Variants in RANBP2 observed in about 807,000 individuals in gnomAD.
RANBP2 encodes E3 SUMO-protein ligase RanBP2.
RANBP2 carries 57 observed loss-of-function variants against 303.6 expected under a neutral mutation model. That is an observed-to-expected ratio of 0.19 (90% CI 0.15 to 0.23). RANBP2 has a LOEUF of 0.23. RANBP2 is among the 10% of genes least tolerant of loss of function. The pLI is 1.00. For synonymous variants in RANBP2, 1,167 were observed against 1,301.5 expected (o/e 0.90, Z 2.23); for missense variants, 3,138 against 3,780.8 (o/e 0.83, Z 4.46).
the RANBP2 span, among the ~76,000 whole-genome samples, chr2:109,373,838 G>A: frequency 2.6e-4 from 39 of 152,298 alleles, no homozygotes; most frequent in South Asian, 7.9e-3. Context: ...TGACAGTAGC[G>A]GAGGTGGCTG....
At chr2:108,816,885 T>A in the RANBP2 span, among the ~76,000 whole-genome samples, 1 of 152,156 alleles carries the variant, frequency 6.6e-6, no homozygotes, top group African/African-American at 2.4e-5. Context: ...TTTGTAGAGA[T>A]CAGACCTGGC....
the RANBP2 span, among the ~76,000 whole-genome samples, chr2:109,678,021 C>T: frequency 3.9e-5 from 6 of 152,284 alleles, no homozygotes; most frequent in South Asian, 1.2e-3. Flanking sequence ...CGTGGTGGCT[C>T]CCGCAGCAGG....
the RANBP2 span, chr2:108,857,064 TG>T: frequency 3.5e-6 from 1 of 282,014 alleles, no homozygotes; most frequent in South Asian, 7.4e-5. Flanking sequence ...CAGATACTAT[TG>T]CTTTTTTTTT....
chr2:109,304,056 G>A, the RANBP2 span, among the ~76,000 whole-genome samples: 1 of 151,220 alleles, frequency 6.6e-6, no homozygotes, highest in African/African-American at 2.4e-5. Context: ...AGCTGAGATC[G>A]CGCCATTGCA....
chr2:109,529,678 G>A, the RANBP2 span, among the ~76,000 whole-genome samples: 1 of 152,232 alleles, frequency 6.6e-6, no homozygotes, highest in Non-Finnish European at 1.5e-5. Context: ...TGTGGAAGGC[G>A]TTGAGGGGCG....
At chr2:109,348,815 C>T in the RANBP2 span, among the ~76,000 whole-genome samples, 3 of 152,118 alleles carry the variant, frequency 2.0e-5, no homozygotes, top group Non-Finnish European at 4.4e-5. Context: ...CACTGCTGCA[C>T]CTGCTCCCCG....
chr2:109,336,524 C>T, the RANBP2 span, among the ~76,000 whole-genome samples: 1,200 of 152,322 alleles, frequency 7.9e-3, 14 homozygotes, highest in African/African-American at 0.028. Context: ...GCCCCGTGTA[C>T]CCCGCAGGCT....
the RANBP2 span, among the ~76,000 whole-genome samples, chr2:109,271,034 T>C: frequency 6.6e-6 from 1 of 152,226 alleles, no homozygotes; most frequent in South Asian, 2.1e-4. Context: ...ATGTGCCTGG[T>C]GATGTCCTGA....
the RANBP2 span, among the ~76,000 whole-genome samples, chr2:109,508,877 C>G: frequency 6.6e-6 from 1 of 152,208 alleles, no homozygotes; most frequent in Non-Finnish European, 1.5e-5. Context: ...TAGTCATGGA[C>G]TCGGCAGTCT....
the RANBP2 span, among the ~76,000 whole-genome samples, chr2:109,307,091 ATTCT>A: frequency 6.6e-6 from 1 of 152,226 alleles, no homozygotes; most frequent in African/African-American, 2.4e-5. Context: ...ATCAACAGAC[ATTCT>A]TTATTTCTCT....
chr2:109,377,106 G>A, the RANBP2 span, among the ~76,000 whole-genome samples: 1 of 152,248 alleles, frequency 6.6e-6, no homozygotes, highest in African/African-American at 2.4e-5. Context: ...GGGAGGTCTA[G>A]AATTCAATCA....
chr2:109,069,837 T>A, the RANBP2 span, among the ~76,000 whole-genome samples: 1 of 152,248 alleles, frequency 6.6e-6, no homozygotes, highest in East Asian at 1.9e-4. Context: ...TTATTTGTGC[T>A]GGGCAGTGTT....
chr2:109,210,937 G>T, the RANBP2 span, among the ~76,000 whole-genome samples: 1 of 152,186 alleles, frequency 6.6e-6, no homozygotes. Flanking sequence ...GTCCTTTCCT[G>T]TCAGAGCCTC....
chr2:109,409,624 T>C, the RANBP2 span, among the ~76,000 whole-genome samples: 1 of 152,094 alleles, frequency 6.6e-6, no homozygotes, highest in African/African-American at 2.4e-5. Flanking sequence ...TGAAGTTATG[T>C]GGGCAGAAGG....
At chr2:109,112,389 G>C in the RANBP2 span, among the ~76,000 whole-genome samples, 2 of 101,024 alleles carry the variant, frequency 2.0e-5, no homozygotes, top group Non-Finnish European at 3.7e-5. Flanking sequence ...GCCAGTGATG[G>C]TGAGCATTTT....
At chr2:108,749,283 G>A (rs1166858784) in intron 9 of RANBP2, among the ~76,000 whole-genome samples, 154 bp downstream of exon 9, 2 of 151,914 alleles carry the variant, frequency 1.3e-5, no homozygotes, top group African/African-American at 4.8e-5. Flanking sequence ...CTGTGGGGGT[G>A]GCATGTATTT....
At chr2:108,745,835 T>A (rs1696466726) in intron 7 of RANBP2, among the ~76,000 whole-genome samples, 1 of 152,164 alleles carries the variant, frequency 6.6e-6, no homozygotes, top group African/African-American at 2.4e-5. Flanking sequence ...AAATTTTCCA[T>A]TTCTCTGAAT....
the RANBP2 span, among the ~76,000 whole-genome samples, chr2:109,097,498 C>A: frequency 6.6e-6 from 1 of 151,784 alleles, no homozygotes; most frequent in Non-Finnish European, 1.5e-5. Context: ...CTTTCAGAAG[C>A]CTTATTGCTT....
At chr2:109,302,651 C>T in the RANBP2 span, among the ~76,000 whole-genome samples, 80 of 152,290 alleles carry the variant, frequency 5.3e-4, no homozygotes, top group African/African-American at 1.1e-3. Flanking sequence ...AGGTCTGGCT[C>T]GGGATGGCGT....
Sources: allele counts gnomAD v4.1 joint callset (sites outside exome capture counted in the v4.1 genomes callset), GRCh38; gene constraint gnomAD v4.1.1; transcripts MANE v1.5; gene names NCBI Gene and HGNC (gene_info 2026-07-23, HGNC 2026-07-21).